Variants in PREX1 observed in about 807,000 individuals in gnomAD.
PREX1 encodes the protein phosphatidylinositol-3,4,5-trisphosphate dependent Rac exchange factor 1, also known as phosphatidylinositol 3,4,5-trisphosphate-dependent Rac exchanger 1 protein.
A neutral mutation model predicts 198.3 loss-of-function variants in PREX1; 41 were observed. The observed-to-expected ratio is 0.21, with a 90% CI of 0.16 to 0.27. PREX1 has a LOEUF of 0.27. Ranked by LOEUF, PREX1 falls within the 10% of genes least tolerant of loss-of-function variation. PREX1 has a pLI of 1.00. For synonymous variants in PREX1, 843 were observed against 887.2 expected (o/e 0.95, Z 0.89); for missense variants, 1,620 against 2,200.7 (o/e 0.74, Z 5.28).
At chr20:48,825,210 T>G (rs1189399225) in intron 1 of PREX1, among the ~76,000 whole-genome samples, 15 of 152,168 alleles carry the variant, frequency 9.9e-5, no homozygotes, top group Non-Finnish European at 7.3e-5. Flanking sequence ...AGGACTCCTG[T>G]GGCTCACAAA....
At chr20:48,804,157 G>A (rs564792966) in intron 1 of PREX1, among the ~76,000 whole-genome samples, 4 of 152,332 alleles carry the variant, frequency 2.6e-5, no homozygotes, top group Admixed American at 6.5e-5. Flanking sequence ...TGGATAGCTC[G>A]TCCTTCTTTC....
the PREX1 span, among the ~76,000 whole-genome samples, chr20:48,841,426 G>T: frequency 6.6e-6 from 1 of 152,118 alleles, no homozygotes; most frequent in African/African-American, 2.4e-5. Flanking sequence ...AAAAACAATG[G>T]CCCACAAGAC....
intron 10 of PREX1, among the ~76,000 whole-genome samples, chr20:48,688,225 C>T (rs2089796690): frequency 6.6e-6 from 1 of 152,110 alleles, no homozygotes; most frequent in Admixed American, 6.5e-5. Flanking sequence ...CCAAGTGCTA[C>T]AGCAGCATTT....
intron 6 of PREX1, among the ~76,000 whole-genome samples, chr20:48,706,790 T>G (rs1331932833): frequency 3.3e-5 from 5 of 152,146 alleles, no homozygotes; most frequent in Non-Finnish European, 7.4e-5. Context: ...AGCCACGTAC[T>G]TTTAAGCAAA....
At chr20:48,813,109 G>C (rs1483398012) in intron 1 of PREX1, among the ~76,000 whole-genome samples, 1 of 152,174 alleles carries the variant, frequency 6.6e-6, no homozygotes, top group African/African-American at 2.4e-5. Flanking sequence ...CCCAGATGTC[G>C]GCCTGCCCTG....
rs267605975 is a variant in PREX1, at chr20:48,700,854, G to A, written c.816C>T (p.Leu272=). The part of the protein sequence containing the change: ...GSNLTDICTQ[L]LLQGTLLKIS... ...TCTTTAACAAAGTCCCTTGCAGGAGGAGCTGAGTGCAGATGTCTGTGAGGT... is the reference window on the plus strand; with the variant it reads ...TCTTTAACAAAGTCCCTTGCAGGAGAAGCTGAGTGCAGATGTCTGTGAGGT... The change falls in exon 7 of 40, where the codon CTC becomes CTT. Residue 272 remains leucine, a synonymous_variant. Transcript: ENST00000371941. The A allele has an allele frequency of 2.2e-5, 36 of 1,614,066 alleles. No homozygotes were observed. The highest frequency in any genetic ancestry group is 3.3e-5 in the Admixed American group (2 of 59,998).
intron 5 of PREX1, among the ~76,000 whole-genome samples, chr20:48,725,874 G>C (rs2090007562): frequency 6.6e-6 from 1 of 152,216 alleles, no homozygotes; most frequent in Non-Finnish European, 1.5e-5. Context: ...TAAGCTGACT[G>C]GAGGATGATA....
intron 5 of PREX1, among the ~76,000 whole-genome samples, chr20:48,716,679 G>A (rs2089963930): frequency 6.6e-6 from 1 of 152,238 alleles, no homozygotes; most frequent in African/African-American, 2.4e-5. Context: ...TCCCAGTGTG[G>A]ATCTGTGACT....
intron 5 of PREX1, among the ~76,000 whole-genome samples, chr20:48,725,079 G>A (rs1055736189): frequency 1.3e-5 from 2 of 152,174 alleles, no homozygotes; most frequent in Non-Finnish European, 2.9e-5. Flanking sequence ...TGGCCCCAGG[G>A]TCTGGCCCAG....
intron 1 of PREX1, among the ~76,000 whole-genome samples, chr20:48,761,123 A>G (rs965351204): frequency 1.2e-4 from 19 of 152,240 alleles, no homozygotes; most frequent in African/African-American, 4.6e-4. Context: ...GAGCAGACAC[A>G]GGGAGCAAAC....
Position 48,785,285 on chromosome 20 carries a change from T to TG in PREX1, c.220-37406dup, listed in dbSNP as rs373113114. On this transcript the variant is annotated intron_variant, in intron 1 of 39. Coordinates refer to ENST00000371941, the MANE Select transcript of PREX1 (RefSeq NM_020820.4). ...TCTGCCTGTCAGCCTACTTCCTGCCTGGGGTCTCCTCTGACAAGCCCACAG... is the reference window on the plus strand; with the variant it reads ...TCTGCCTGTCAGCCTACTTCCTGCCTGGGGGTCTCCTCTGACAAGCCCACAG... Among the ~76,000 whole-genome samples the TG allele has an allele frequency of 8.7e-4, 132 of 152,354 alleles. 1 individual carries two copies. Among genetic ancestry groups the TG allele is most frequent in the African/African-American group, 3.0e-3 (125 of 41,592 alleles).
chr20:48,786,122 A>G (rs1425937090), intron 1 of PREX1, among the ~76,000 whole-genome samples: 1 of 151,872 alleles, frequency 6.6e-6, no homozygotes, highest in African/African-American at 2.4e-5. Flanking sequence ...CTCTGGGCAG[A>G]GAAAGGGGGT....
intron 6 of PREX1, among the ~76,000 whole-genome samples, chr20:48,705,988 TGTAAA>T (rs1371834877): frequency 6.6e-6 from 1 of 152,178 alleles, no homozygotes; most frequent in African/African-American, 2.4e-5. Context: ...CTGCCTCATC[TGTAAA>T]ATGGGGATAA....
chr20:48,734,406 G>A (rs1256246445), intron 4 of PREX1, 140 bp downstream of exon 4: 16 of 760,608 alleles, frequency 2.1e-5, no homozygotes, highest in Admixed American at 4.5e-5. Flanking sequence ...AAGGCTTGGC[G>A]ATCCCTGCTT....
chr20:48,765,051 ATCTGTGCTGTTTAAAGGC>A (rs2090202337), intron 1 of PREX1, among the ~76,000 whole-genome samples: 1 of 152,156 alleles, frequency 6.6e-6, no homozygotes, highest in African/African-American at 2.4e-5. Context: ...AAGATAATAA[ATCTGTGCTGTTTAAAGGC>A]ACAAGAAACT....
rs566751309 is a variant in PREX1 at position 48,781,191 on chromosome 20, G to A, written c.220-33311C>T. On this transcript the variant is annotated intron_variant, in intron 1 of 39. Coordinates refer to ENST00000371941, the MANE Select transcript of PREX1 (RefSeq NM_020820.4). ...GATCCTGAAAATAAAAAGAACGTTT[G>A]TAGGGAAACTAACAAAATTCTACTG... is the stretch of plus-strand genomic sequence containing the variant. 3.9e-5 allele frequency among the ~76,000 whole-genome samples: 6 copies of A among 152,266 alleles called. No homozygotes were observed. In the East Asian group the frequency reaches 1.2e-3, roughly 29 times the overall value.
chr20:48,851,678 G>A, the PREX1 span, among the ~76,000 whole-genome samples: 2 of 152,146 alleles, frequency 1.3e-5, no homozygotes, highest in Non-Finnish European at 2.9e-5. Context: ...CTGGTTGGCT[G>A]TCACTTGTTT....
intron 32 of PREX1, 83 bp from the exon 33 acceptor site, chr20:48,634,858 A>G (rs2089350014): frequency 1.1e-5 from 14 of 1,226,436 alleles, no homozygotes; most frequent in Non-Finnish European, 1.5e-5. Context: ...ATTCAACTCT[A>G]GTCGGCACTC....
At chr20:48,879,720 C>T in the PREX1 span, among the ~76,000 whole-genome samples, 1 of 152,206 alleles carries the variant, frequency 6.6e-6, no homozygotes, top group Admixed American at 6.5e-5. Flanking sequence ...TTATTGATAA[C>T]TATGTAACCT....
Sources: allele counts gnomAD v4.1 joint callset (sites outside exome capture counted in the v4.1 genomes callset), GRCh38; gene constraint gnomAD v4.1.1; transcripts MANE v1.5; gene names NCBI Gene and HGNC (gene_info 2026-07-23, HGNC 2026-07-21).